DIAPH2: variants seen among roughly 807,000 people sequenced by gnomAD.
DIAPH2 encodes the protein protein diaphanous homolog 2.
DIAPH2 carries 35 observed loss-of-function variants against 92.7 expected under a neutral mutation model. The observed-to-expected ratio is 0.38, with a 90% CI of 0.29 to 0.50. DIAPH2 has a LOEUF of 0.50. DIAPH2 is among the 20% of genes least tolerant of loss of function. The pLI is 0.94. For synonymous variants in DIAPH2, 301 were observed against 280.4 expected (o/e 1.07, Z -0.73); for missense variants, 701 against 819.5 (o/e 0.86, Z 1.77).
chrX:96,784,741 T>A (rs1240369145), intron 4 of DIAPH2, among the ~76,000 whole-genome samples: 1 of 112,638 alleles, frequency 8.9e-6, no homozygotes, highest in African/African-American at 3.2e-5. Flanking sequence ...CATCAGGGCC[T>A]GGATGATAAA....
At chrX:96,718,429 C>G (rs2063968733) in intron 1 of DIAPH2, among the ~76,000 whole-genome samples, 1 of 88,383 alleles carries the variant, frequency 1.1e-5, no homozygotes, top group African/African-American at 4.4e-5. Context: ...TCTCAGCTAA[C>G]TGCAACCTCT....
At chrX:97,047,228 G>A (rs748309504) in intron 17 of DIAPH2, among the ~76,000 whole-genome samples, 2 of 110,844 alleles carry the variant, frequency 1.8e-5, no homozygotes, top group African/African-American at 6.6e-5. Context: ...TGAAATATTG[G>A]CAAACCAATT....
Position 97,363,536 on chromosome X carries a change from T to C in DIAPH2, c.3009+15256T>C, listed in dbSNP as rs36115785. On this transcript the variant is annotated intron_variant, in intron 24 of 26. Transcript: ENST00000324765. ...AAAAAATTAGCGTGGCATTGTGGCT[T>C]GCACCTGTAATCCCAGCTATTTAAG... Among the ~76,000 whole-genome samples, 395 of 107,189 alleles carry C rather than the reference T, an allele frequency of 3.7e-3. 3 individuals carry two copies. Among genetic ancestry groups the C allele is most frequent in the Non-Finnish European group, 5.8e-3 (302 of 51,957 alleles). The allele number at this position is 107,189 out of a possible 115,157, so 93.1% of individuals were successfully genotyped here.
chrX:97,330,762 C>T (rs1257345422), intron 23 of DIAPH2, among the ~76,000 whole-genome samples: 1 of 111,695 alleles, frequency 9.0e-6, no homozygotes, highest in Non-Finnish European at 1.9e-5. Context: ...ATCTACCCAC[C>T]TCAGCCTCCC....
chrX:97,160,749 A>G (rs887486806), intron 22 of DIAPH2, among the ~76,000 whole-genome samples: 1 of 111,788 alleles, frequency 8.9e-6, no homozygotes, highest in African/African-American at 3.2e-5. Context: ...TAGGTATGCT[A>G]GTTACTGTAT....
intron 26 of DIAPH2, among the ~76,000 whole-genome samples, chrX:97,448,838 C>T (rs1429816176): frequency 9.0e-6 from 1 of 111,634 alleles, no homozygotes; most frequent in African/African-American, 3.2e-5. Context: ...TTGTACCCGT[C>T]TATGTTAACT....
chrX:96,952,176 A>G (rs1213075582), intron 15 of DIAPH2, among the ~76,000 whole-genome samples: 1 of 111,657 alleles, frequency 9.0e-6, no homozygotes, highest in Middle Eastern at 4.3e-3. Context: ...AATTTTACAT[A>G]TTTTAATCTT....
At chrX:97,184,186 C>A (rs189223162) in intron 22 of DIAPH2, among the ~76,000 whole-genome samples, 1 of 112,110 alleles carries the variant, frequency 8.9e-6, no homozygotes, top group Non-Finnish European at 1.9e-5. Flanking sequence ...CCCTTCTGCT[C>A]TTCTTGCCTT....
intron 19 of DIAPH2, among the ~76,000 whole-genome samples, chrX:97,093,491 G>C (rs2066842836): frequency 8.9e-6 from 1 of 111,925 alleles, no homozygotes; most frequent in Non-Finnish European, 1.9e-5. Flanking sequence ...ATTACATTTA[G>C]ACATGGGCAT....
At chrX:96,777,048 C>G (rs758060343) in intron 4 of DIAPH2, among the ~76,000 whole-genome samples, 1 of 111,894 alleles carries the variant, frequency 8.9e-6, no homozygotes. Context: ...TACACTGATA[C>G]AGATAATTTT....
chrX:96,766,892 G>T (rs1387775498), intron 4 of DIAPH2, among the ~76,000 whole-genome samples: 1 of 112,127 alleles, frequency 8.9e-6, no homozygotes, highest in Non-Finnish European at 1.9e-5. Context: ...TACTTTAAAA[G>T]TCAAGCCAGG....
intron 26 of DIAPH2, among the ~76,000 whole-genome samples, chrX:97,519,991 G>A (rs1437374056): frequency 2.7e-5 from 3 of 111,628 alleles, no homozygotes; most frequent in Non-Finnish European, 5.7e-5. Context: ...GATTACAGGC[G>A]TGAGCCACAG....
At chrX:97,131,804 C>T (rs1246734426) in intron 21 of DIAPH2, among the ~76,000 whole-genome samples, 1 of 112,302 alleles carries the variant, frequency 8.9e-6, no homozygotes, top group Non-Finnish European at 1.9e-5. Flanking sequence ...TGATTAAAAG[C>T]ATATGAAAGT....
chrX:97,185,462 TATATATATACAC>T (rs1446887503), intron 22 of DIAPH2, among the ~76,000 whole-genome samples: 2 of 48,080 alleles, frequency 4.2e-5, no homozygotes, highest in Non-Finnish European at 6.5e-5. Flanking sequence ...TGTGTATATA[TATATATATACAC>T]ATATATATAT....
At chrX:96,740,025 G>C (rs779777987) in intron 3 of DIAPH2, among the ~76,000 whole-genome samples, 185 of 112,012 alleles carry the variant, frequency 1.7e-3, no homozygotes, top group Non-Finnish European at 3.0e-3. Flanking sequence ...GCTAAACTCT[G>C]ACTTTTGCAT....
intron 5 of DIAPH2, among the ~76,000 whole-genome samples, chrX:96,888,596 TA>T (rs201134992): frequency 0.05 from 5,045 of 100,165 alleles, 162 homozygotes; most frequent in Middle Eastern, 0.13. Context: ...TATATACAGA[TA>T]TATATATCTA....
intron 4 of DIAPH2, among the ~76,000 whole-genome samples, chrX:96,764,294 G>C (rs2064288238): frequency 9.0e-6 from 1 of 110,701 alleles, no homozygotes; most frequent in Non-Finnish European, 1.9e-5. Flanking sequence ...TATGATGGCT[G>C]GTGTTTGGCT....
At chrX:97,091,205 C>A (rs912289494) in intron 19 of DIAPH2, among the ~76,000 whole-genome samples, 1 of 111,164 alleles carries the variant, frequency 9.0e-6, no homozygotes, top group African/African-American at 3.3e-5. Context: ...GTATACCTTT[C>A]TTCTTATATG....
chrX:97,031,357 G>C (rs1289805301), intron 17 of DIAPH2, among the ~76,000 whole-genome samples: 1 of 93,593 alleles, frequency 1.1e-5, no homozygotes, highest in Non-Finnish European at 2.1e-5. Flanking sequence ...CGGGAGGGGG[G>C]GGGACATCCT....
Sources: gnomAD v4.1 joint callset for allele counts (sites outside exome capture counted in the v4.1 genomes callset) on GRCh38, gnomAD v4.1.1 for gene constraint, MANE v1.5 for transcripts, NCBI Gene and HGNC (gene_info 2026-07-23, HGNC 2026-07-21) for gene names.